The following SMUG1 variants were observed in gnomAD, a reference collection of about 807,000 sequenced individuals.
SMUG1 encodes the protein single-strand selective monofunctional uracil DNA glycosylase.
Under a neutral mutation model 23.9 loss-of-function variants are expected in SMUG1, and 13 were observed. The ratio of observed to expected loss-of-function variants is 0.54; its 90% CI spans 0.35 to 0.86. The LOEUF is 0.86. Ranked by LOEUF, SMUG1 falls within the 40% of genes least tolerant of loss-of-function variation. SMUG1 has a pLI of 0.01. For missense variants in SMUG1, 313 were observed against 339.5 expected (o/e 0.92, Z 0.61); for synonymous variants, 133 against 139.8 (o/e 0.95, Z 0.34).
downstream of SMUG1, among the ~76,000 whole-genome samples, chr12:54,176,633 C>T (rs1454433008): frequency 6.6e-5 from 10 of 151,306 alleles, no homozygotes; most frequent in African/African-American, 1.9e-4. Flanking sequence ...GGTGAAACCC[C>T]GTCTCTACTA....
chr12:54,173,595 C>T (rs1940680687), intron 2 of SMUG1, among the ~76,000 whole-genome samples: 1 of 152,204 alleles, frequency 6.6e-6, no homozygotes, highest in South Asian at 2.1e-4. Flanking sequence ...AGCCTCATCG[C>T]CGCGCGGGCT....
intron 3 of SMUG1, chr12:54,183,367 G>A: frequency 1.8e-6 from 1 of 557,314 alleles, no homozygotes; most frequent in East Asian, 2.9e-5. Context: ...GGACAGGGGA[G>A]ATCCAGTAAA....
chr12:54,177,830 C>T (rs899426232), downstream of SMUG1, among the ~76,000 whole-genome samples: 3 of 152,088 alleles, frequency 2.0e-5, no homozygotes, highest in African/African-American at 4.8e-5. Flanking sequence ...TCCTAAGTAC[C>T]CTAGTTTGTT....
In SMUG1 at chr12:54,183,399, G is replaced by A; in HGVS notation, c.285+257C>T. ...TAAAGTAAGGATGGGGCTGGCGGAA[G>A]GAAGGGCTCTCAGAGGCAATTACTG... is the stretch of plus-strand genomic sequence containing the variant. On this transcript the variant is annotated intron_variant, in intron 3 of 3. Transcript: ENST00000682136. 13 of 572,380 alleles carry A rather than the reference G, an allele frequency of 2.3e-5. No individual in the cohort carries two copies. The South Asian group carries it at 2.9e-4, about 13-fold the overall frequency. The allele number at this position is 572,380 out of a possible 1,614,324, so 35.5% of individuals were successfully genotyped here. A position where few individuals can be genotyped will look rare whatever the true frequency, so the allele number is the denominator to read the frequency against.
downstream of SMUG1, among the ~76,000 whole-genome samples, chr12:54,179,234 C>T (rs1251239919): frequency 1.3e-5 from 2 of 152,200 alleles, no homozygotes; most frequent in African/African-American, 4.8e-5. Flanking sequence ...GCCCTGTGAT[C>T]GTGTGAGTCA....
intron 2 of SMUG1, chr12:54,172,283 C>T: frequency 5.7e-6 from 2 of 352,262 alleles, no homozygotes; most frequent in Non-Finnish European, 1.2e-5. Flanking sequence ...TCTGCTTCAG[C>T]CATATCAGCC....
downstream of SMUG1, among the ~76,000 whole-genome samples, chr12:54,180,155 G>A (rs529297967): frequency 2.6e-5 from 4 of 152,304 alleles, no homozygotes; most frequent in African/African-American, 9.6e-5. Context: ...CTATATGGTT[G>A]GTCATTCTGG....
At chr12:54,177,185 C>T (rs1940778388), downstream of SMUG1, among the ~76,000 whole-genome samples, 1 of 152,228 alleles carries the variant, frequency 6.6e-6, no homozygotes, top group Admixed American at 6.5e-5. Flanking sequence ...ACACTCAGGA[C>T]ACTCCTGCCT....
At chr12:54,176,438 G>A (rs1940751100), downstream of SMUG1, among the ~76,000 whole-genome samples, 1 of 149,452 alleles carries the variant, frequency 6.7e-6, no homozygotes, top group Non-Finnish European at 1.5e-5. Context: ...CTGAGCCCAG[G>A]AAGTCAAGGC....
At chr12:54,163,400 C>T (rs1940336148), downstream of SMUG1, among the ~76,000 whole-genome samples, 2 of 152,222 alleles carry the variant, frequency 1.3e-5, no homozygotes, top group Admixed American at 1.3e-4. Flanking sequence ...ATAGTAGCTA[C>T]TTCCCACAGT....
In SMUG1 at chr12:54,182,789, CCTGT is replaced by C. The variant is rs3136388; in HGVS notation, c.286-170_286-167del. On this transcript the variant is annotated intron_variant, in intron 3 of 3. Coordinates refer to ENST00000682136, the MANE Select transcript of SMUG1 (RefSeq NM_001243787.2). ...AGGATTCTTGGCCCTATGGTTTGAG[CCTGT>C]CTGTCTTTTTCCAGTTCTTCATTGT... is the stretch of plus-strand genomic sequence containing the variant. The C allele has an allele frequency of 4.5e-3, 6,033 of 1,346,950 alleles. 120 individuals carry two copies. The East Asian group carries it at 0.049, about 11-fold the overall frequency. The allele number at this position is 1,346,950 out of a possible 1,614,324, so 83.4% of individuals were successfully genotyped here.
chr12:54,169,804 G>T (rs1393799826), intron 3 of SMUG1, among the ~76,000 whole-genome samples: 1 of 152,162 alleles, frequency 6.6e-6, no homozygotes, highest in African/African-American at 2.4e-5. Flanking sequence ...GTACATCTGT[G>T]GCTTGTTGAG....
At chr12:54,182,817 G>A (rs958774002) in intron 3 of SMUG1, 194 bp from the exon 4 acceptor site, 17 of 1,118,312 alleles carry the variant, frequency 1.5e-5, no homozygotes, top group Admixed American at 6.2e-5. Context: ...GTTCTTCATT[G>A]TGAACCGTGG....
chr12:54,158,905 AG>A (rs2136525168), intron 4 of SMUG1, among the ~76,000 whole-genome samples: 1 of 152,342 alleles, frequency 6.6e-6, no homozygotes, highest in East Asian at 1.9e-4. Flanking sequence ...CCTGGCTGCC[AG>A]GAAGTTTGCC....
At chr12:54,172,987 G>C (rs533364629) in intron 2 of SMUG1, 1 of 152,602 alleles carries the variant, frequency 6.6e-6, no homozygotes, top group East Asian at 1.9e-4. Context: ...TGGTGTGGTG[G>C]GGTCTCTAAG....
At chr12:54,163,579 G>A (rs990055515), downstream of SMUG1, among the ~76,000 whole-genome samples, 2 of 152,132 alleles carry the variant, frequency 1.3e-5, no homozygotes, top group Non-Finnish European at 2.9e-5. Flanking sequence ...AGCTGGGGGC[G>A]CCAAGATGAT....
intron 1 of SMUG1, among the ~76,000 whole-genome samples, chr12:54,188,301 T>TA (rs36056808): frequency 0.042 from 4,852 of 116,122 alleles, 102 homozygotes; most frequent in Admixed American, 0.056. Context: ...TAATAAATAA[T>TA]AATAATAATA....
At chr12:54,160,190 G>A (rs1409556921), downstream of SMUG1, among the ~76,000 whole-genome samples, 1 of 152,246 alleles carries the variant, frequency 6.6e-6, no homozygotes. Context: ...AAAGAGAAAA[G>A]AGGAGGGGTG....
At chr12:54,186,844 C>G (rs1464053105) in intron 2 of SMUG1, 1 of 152,280 alleles carries the variant, frequency 6.6e-6, no homozygotes, top group African/African-American at 2.4e-5. Flanking sequence ...ACTCAACAAA[C>G]ACCTGCTCAG....
Sources: gnomAD v4.1 joint callset for allele counts (sites outside exome capture counted in the v4.1 genomes callset) on GRCh38, gnomAD v4.1.1 for gene constraint, MANE v1.5 for transcripts, NCBI Gene and HGNC (gene_info 2026-07-23, HGNC 2026-07-21) for gene names.